The following ZBTB7C variants were observed in gnomAD, a reference collection of about 807,000 sequenced individuals.
ZBTB7C encodes zinc finger and BTB domain containing 7C.
In ZBTB7C, 8 loss-of-function variants were observed where a neutral mutation model predicts 25.7. The observed-to-expected ratio is 0.31, with a 90% CI of 0.18 to 0.56. The LOEUF (loss-of-function observed/expected upper bound fraction) is 0.56. ZBTB7C is among the 20% of genes least tolerant of loss of function. The pLI is 0.91. For missense variants in ZBTB7C, 824 were observed against 855.2 expected (o/e 0.96, Z 0.46); for synonymous variants, 394 against 369.0 (o/e 1.07, Z -0.78).
At chr18:48,115,823 G>T (rs1254498959) in intron 3 of ZBTB7C, among the ~76,000 whole-genome samples, 1 of 152,086 alleles carries the variant, frequency 6.6e-6, no homozygotes, top group African/African-American at 2.4e-5. Flanking sequence ...TCCTACATAA[G>T]TGGTAAGACC....
intron 1 of ZBTB7C, among the ~76,000 whole-genome samples, chr18:48,350,384 G>A (rs752378923): frequency 5.9e-5 from 9 of 152,144 alleles, no homozygotes; most frequent in East Asian, 1.9e-4. Context: ...CCGTAGTTAC[G>A]TCTCCCTCTC....
At chr18:48,228,275 T>C (rs904631169) in intron 2 of ZBTB7C, among the ~76,000 whole-genome samples, 35 of 152,114 alleles carry the variant, frequency 2.3e-4, no homozygotes, top group Admixed American at 1.1e-3. Flanking sequence ...CAGTTCCTCA[T>C]GGGAGAGGCA....
chr18:48,325,771 G>A (rs2046203382), intron 2 of ZBTB7C, among the ~76,000 whole-genome samples: 1 of 152,330 alleles, frequency 6.6e-6, no homozygotes, highest in Non-Finnish European at 1.5e-5. Context: ...CTCAGGTCAT[G>A]TAGCTCACCT....
At chr18:48,355,171 G>A (rs1322208234) in intron 1 of ZBTB7C, among the ~76,000 whole-genome samples, 2 of 152,168 alleles carry the variant, frequency 1.3e-5, no homozygotes, top group Non-Finnish European at 2.9e-5. Flanking sequence ...TATAACATGA[G>A]CCTCTTGGAG....
chr18:48,241,742 C>T (rs536230576), intron 2 of ZBTB7C, among the ~76,000 whole-genome samples: 10 of 152,142 alleles, frequency 6.6e-5, no homozygotes, highest in East Asian at 3.9e-4. Context: ...TAAATGCCTA[C>T]GTCAAAAAGT....
chr18:48,046,889 C>T (rs1011556078), intron 3 of ZBTB7C, among the ~76,000 whole-genome samples: 46 of 152,284 alleles, frequency 3.0e-4, no homozygotes, highest in African/African-American at 7.7e-4. Context: ...GAGCCAGAAG[C>T]GCAAAGTGGA....
chr18:48,308,464 T>C (rs28753866), intron 2 of ZBTB7C, among the ~76,000 whole-genome samples: 27,116 of 152,198 alleles, frequency 0.18, 2,516 homozygotes, highest in African/African-American at 0.21. Flanking sequence ...GGTTTCTCAG[T>C]GGGCATCCCG....
At chr18:48,239,209 T>G (rs2043459232) in intron 2 of ZBTB7C, among the ~76,000 whole-genome samples, 1 of 152,136 alleles carries the variant, frequency 6.6e-6, no homozygotes, top group South Asian at 2.1e-4. Flanking sequence ...TAATTCCTCC[T>G]CCACTTGATG....
At chr18:48,164,845 C>T (rs1385542441) in intron 3 of ZBTB7C, among the ~76,000 whole-genome samples, 1 of 152,136 alleles carries the variant, frequency 6.6e-6, no homozygotes, top group Non-Finnish European at 1.5e-5. Context: ...GACATATTAA[C>T]TCATTTAGTC....
At chr18:48,164,223 G>A (rs1027160812) in intron 3 of ZBTB7C, among the ~76,000 whole-genome samples, 5 of 152,056 alleles carry the variant, frequency 3.3e-5, no homozygotes, top group Non-Finnish European at 7.4e-5. Context: ...ATCACACCCC[G>A]GGTTATGCAC....
At chr18:48,280,253 G>A (rs2044796955) in intron 2 of ZBTB7C, among the ~76,000 whole-genome samples, 1 of 151,916 alleles carries the variant, frequency 6.6e-6, no homozygotes, top group Non-Finnish European at 1.5e-5. Flanking sequence ...GCAGCCTGAG[G>A]GTTTCACCGA....
Position 48,039,909 on chromosome 18 carries a change from C to A in ZBTB7C, c.1199G>T (p.Arg400Leu). Reference sequence around the variant, plus strand: ...GGGCTGCCATGCGCACCTGGTGAAGCGGACCTCGCAGATGGTGCACATGTA... The same window carrying A: ...GGGCTGCCATGCGCACCTGGTGAAGAGGACCTCGCAGATGGTGCACATGTA... ...KPYMCTICEV[R>L]FTRQDKLKIH... Residue 400 changes from arginine to leucine, a missense_variant, in exon 4 of 5, where the codon CGC becomes CTC. By Grantham distance (102) the Arg-to-Leu change is moderately radical. Transcript: ENST00000590800. 2.5e-6 allele frequency: 4 copies of A among 1,612,240 alleles called. No individual in the cohort carries two copies. The highest frequency in any genetic ancestry group is 3.4e-6 in the Non-Finnish European group (4 of 1,180,008).
chr18:48,047,741 G>T (rs2036530257), intron 3 of ZBTB7C, among the ~76,000 whole-genome samples: 2 of 152,144 alleles, frequency 1.3e-5, no homozygotes, highest in African/African-American at 2.4e-5. Flanking sequence ...CCCTACCAAG[G>T]GGCCAGCAAG....
chr18:48,273,769 T>C (rs2044559179), intron 2 of ZBTB7C, among the ~76,000 whole-genome samples: 1 of 152,188 alleles, frequency 6.6e-6, no homozygotes, highest in Non-Finnish European at 1.5e-5. Flanking sequence ...AAAGAATCTC[T>C]AATTTTTAAA....
intron 3 of ZBTB7C, among the ~76,000 whole-genome samples, chr18:48,090,216 G>A (rs1176848452): frequency 6.6e-6 from 1 of 152,254 alleles, no homozygotes; most frequent in Non-Finnish European, 1.5e-5. Context: ...TGCTGGGCCA[G>A]TCACAGGGAC....
chr18:48,375,940 T>C (rs1401398787), intron 1 of ZBTB7C, among the ~76,000 whole-genome samples: 2 of 152,226 alleles, frequency 1.3e-5, no homozygotes, highest in East Asian at 3.8e-4. Context: ...TTACCCTCTG[T>C]GTTTTTCTGT....
At chr18:48,065,768 A>G (rs1015990243) in intron 3 of ZBTB7C, among the ~76,000 whole-genome samples, 2 of 152,174 alleles carry the variant, frequency 1.3e-5, no homozygotes, top group South Asian at 2.1e-4. Context: ...TAGCTGCGGC[A>G]TCCCAGGGCC....
chr18:48,043,916 G>C lies in ZBTB7C; in HGVS notation c.-16-2793C>G, dbSNP rs113647950. ...TCTACCACAGAGCTGTAAGGGAGGA[G>C]AGGAGGGGGGCGCTTTACCCAGGGT... On this transcript the variant is annotated intron_variant, in intron 3 of 4. Coordinates refer to ENST00000590800, the MANE Select transcript of ZBTB7C (RefSeq NM_001318841.2). 1.6e-3 allele frequency among the ~76,000 whole-genome samples: 250 copies of C among 152,298 alleles called. 1 individual carries two copies. The highest frequency in any genetic ancestry group is 5.9e-3 in the African/African-American group (245 of 41,570).
intron 2 of ZBTB7C, among the ~76,000 whole-genome samples, chr18:48,330,487 C>T (rs970449485): frequency 5.3e-5 from 8 of 152,262 alleles, no homozygotes; most frequent in Middle Eastern, 6.8e-3. Flanking sequence ...CCCTCACCTC[C>T]ACTCAAGTCA....
Sources: allele counts gnomAD v4.1 joint callset (sites outside exome capture counted in the v4.1 genomes callset), GRCh38; gene constraint gnomAD v4.1.1; transcripts MANE v1.5; gene names NCBI Gene and HGNC (gene_info 2026-07-23, HGNC 2026-07-21).